EXT1: variants seen among roughly 807,000 people sequenced by gnomAD.
The protein encoded by EXT1 is exostosin glycosyltransferase 1.
Under a neutral mutation model 82.5 loss-of-function variants are expected in EXT1, and 20 were observed. That is an observed-to-expected ratio of 0.24 (90% CI 0.17 to 0.35). The LOEUF (loss-of-function observed/expected upper bound fraction) is 0.35, where lower values mean the gene tolerates loss of function less well. EXT1 is among the 10% of genes least tolerant of loss of function. The pLI is 1.00. For synonymous variants in EXT1, 348 were observed against 350.8 expected, an observed-to-expected ratio of 0.99 and a Z score of 0.09; for missense variants, 757 against 936.5, an observed-to-expected ratio of 0.81 and a Z score of 2.50.
intron 1 of EXT1, among the ~76,000 whole-genome samples, chr8:118,000,604 G>A (rs867203718): frequency 2.0e-5 from 3 of 152,182 alleles, no homozygotes; most frequent in Non-Finnish European, 4.4e-5. Flanking sequence ...CAATAAATAC[G>A]CCCTGACCTC....
At chr8:118,096,330 G>T (rs539100927) in intron 1 of EXT1, among the ~76,000 whole-genome samples, 1 of 152,172 alleles carries the variant, frequency 6.6e-6, no homozygotes, top group East Asian at 1.9e-4. Flanking sequence ...AATAGAAAAA[G>T]AAAGAAAAGA....
intron 1 of EXT1, among the ~76,000 whole-genome samples, chr8:117,931,860 G>A (rs1231154726): frequency 6.6e-6 from 1 of 152,036 alleles, no homozygotes; most frequent in Non-Finnish European, 1.5e-5. Context: ...ACTCCCTCTG[G>A]GTCCTAGATT....
At chr8:118,071,384 C>T (rs1360563662) in intron 1 of EXT1, among the ~76,000 whole-genome samples, 1 of 152,084 alleles carries the variant, frequency 6.6e-6, no homozygotes. Flanking sequence ...ATGTCCTTTA[C>T]TATTGTCTGG....
At chr8:117,930,206 C>T (rs903059713) in intron 1 of EXT1, among the ~76,000 whole-genome samples, 2 of 152,146 alleles carry the variant, frequency 1.3e-5, no homozygotes, top group African/African-American at 4.8e-5. Context: ...TCATTGTCAT[C>T]CCAACCAGTG....
At chr8:117,933,900 C>T (rs1430750141) in intron 1 of EXT1, among the ~76,000 whole-genome samples, 2 of 152,128 alleles carry the variant, frequency 1.3e-5, no homozygotes, top group Non-Finnish European at 2.9e-5. Context: ...TGGGCTCCTG[C>T]TGTCCAGCCT....
chr8:117,861,742 C>T lies in EXT1; in HGVS notation c.963-24541G>A, dbSNP rs1450669556. On this transcript the variant is annotated intron_variant, in intron 1 of 10. Coordinates refer to ENST00000378204, the MANE Select transcript of EXT1 (RefSeq NM_000127.3). ...AACTCCTGACCTTAAGTGATCCACC[C>T]ACCTCAGCCTCCCAGAGTGCTGAGA... Among the ~76,000 whole-genome samples, 2 of 144,356 alleles carry T rather than the reference C, an allele frequency of 1.4e-5. 1 individual carries two copies. The highest frequency in any genetic ancestry group is 3.1e-5 in the Non-Finnish European group (2 of 64,356). The allele number at this position is 144,356 out of a possible 152,430, so 94.7% of individuals were successfully genotyped here.
intron 4 of EXT1, among the ~76,000 whole-genome samples, chr8:117,826,523 C>T (rs927901801): frequency 6.6e-5 from 10 of 152,144 alleles, no homozygotes; most frequent in African/African-American, 9.7e-5. Flanking sequence ...ATCTTTGATA[C>T]GTGATACTTA....
intron 1 of EXT1, among the ~76,000 whole-genome samples, chr8:117,955,785 G>A (rs149222659): frequency 6.6e-6 from 1 of 152,234 alleles, no homozygotes; most frequent in Non-Finnish European, 1.5e-5. Context: ...TCTAACTCCT[G>A]GCCTGAAGCA....
chr8:118,045,428 T>C (rs1816606744), intron 1 of EXT1, among the ~76,000 whole-genome samples: 2 of 152,188 alleles, frequency 1.3e-5, no homozygotes, highest in African/African-American at 4.8e-5. Flanking sequence ...CTTTCTTCAT[T>C]CACGCTCTCA....
At chr8:117,978,856 C>T (rs1382993544) in intron 1 of EXT1, among the ~76,000 whole-genome samples, 4 of 152,184 alleles carry the variant, frequency 2.6e-5, no homozygotes, top group African/African-American at 4.8e-5. Flanking sequence ...ATAATGCCAA[C>T]TCATGTTAAA....
At chr8:117,939,119 T>C (rs1252862502) in intron 1 of EXT1, among the ~76,000 whole-genome samples, 1 of 152,134 alleles carries the variant, frequency 6.6e-6, no homozygotes, top group Non-Finnish European at 1.5e-5. Flanking sequence ...ACCTATTCCA[T>C]GGACTGTCCC....
chr8:118,025,935 T>C (rs17505283), intron 1 of EXT1, among the ~76,000 whole-genome samples: 3,838 of 152,204 alleles, frequency 0.025, 144 homozygotes, highest in African/African-American at 0.084. Flanking sequence ...TCCAGGCATA[T>C]CAATCTCTGG....
intron 1 of EXT1, among the ~76,000 whole-genome samples, chr8:118,050,539 C>T (rs963203989): frequency 3.3e-5 from 5 of 152,124 alleles, no homozygotes; most frequent in Non-Finnish European, 7.3e-5. Flanking sequence ...AGAGAGTAAA[C>T]GTTTTGGGCT....
chr8:117,888,493 A>G (rs907303723), intron 1 of EXT1, among the ~76,000 whole-genome samples: 3 of 152,128 alleles, frequency 2.0e-5, no homozygotes, highest in African/African-American at 2.4e-5. Flanking sequence ...ACATAGAGTC[A>G]CACCACTATA....
At chr8:117,929,221 G>A (rs1814005103) in intron 1 of EXT1, among the ~76,000 whole-genome samples, 1 of 152,324 alleles carries the variant, frequency 6.6e-6, no homozygotes, top group Admixed American at 6.5e-5. Flanking sequence ...TGAGCTCAAG[G>A]AAGAAATACT....
At chr8:118,026,389 G>T (rs1816202452) in intron 1 of EXT1, among the ~76,000 whole-genome samples, 2 of 152,044 alleles carry the variant, frequency 1.3e-5, no homozygotes, top group Admixed American at 6.6e-5. Flanking sequence ...CAATCTCTGG[G>T]CTCTTTTTCC....
intron 1 of EXT1, among the ~76,000 whole-genome samples, chr8:118,056,080 A>G (rs930111789): frequency 1.2e-4 from 18 of 152,178 alleles, no homozygotes; most frequent in African/African-American, 4.1e-4. Flanking sequence ...GCTAGGAAAA[A>G]AAAAATCACA....
At chr8:117,924,004 T>A (rs1208011576) in intron 1 of EXT1, among the ~76,000 whole-genome samples, 2 of 152,220 alleles carry the variant, frequency 1.3e-5, no homozygotes, top group Non-Finnish European at 1.5e-5. Flanking sequence ...AAAATAGGTG[T>A]GTTCTGGCCT....
intron 1 of EXT1, among the ~76,000 whole-genome samples, chr8:117,858,816 G>A (rs1203440166): frequency 1.1e-4 from 2 of 18,878 alleles, no homozygotes; most frequent in Admixed American, 4.9e-4. Context: ...AAGGCAGGAA[G>A]GAAGGAAGGA....
Sources: gnomAD v4.1 joint callset for allele counts (sites outside exome capture counted in the v4.1 genomes callset) on GRCh38, gnomAD v4.1.1 for gene constraint, MANE v1.5 for transcripts, NCBI Gene and HGNC (gene_info 2026-07-23, HGNC 2026-07-21) for gene names.